The following ZNF407 variants were observed in gnomAD, a reference collection of about 807,000 sequenced individuals.
ZNF407 encodes zinc finger protein 407.
In ZNF407, 17 loss-of-function variants were observed where a neutral mutation model predicts 131.2. The ratio of observed to expected loss-of-function variants is 0.13; its 90% CI spans 0.09 to 0.19. The LOEUF is 0.19. ZNF407 is among the 10% of genes least tolerant of loss of function. ZNF407 has a pLI of 1.00. For synonymous variants in ZNF407, 1,156 were observed against 1,062.0 expected (o/e 1.09, Z -1.72); for missense variants, 2,681 against 2,830.6 (o/e 0.95, Z 1.20).
rs118108297 is a variant in ZNF407 at position 74,749,405 on chromosome 18, T to C, written c.4803-32023T>C. ...GGCCTGTATCAATTCCAGTAAGGTATTGGAATTTTAGAAATTAATGGTGCC... is the reference window on the plus strand; with the variant it reads ...GGCCTGTATCAATTCCAGTAAGGTACTGGAATTTTAGAAATTAATGGTGCC... On this transcript the variant is annotated intron_variant, in intron 3 of 8. Coordinates refer to ENST00000299687, the MANE Select transcript of ZNF407 (RefSeq NM_017757.3). Among the ~76,000 whole-genome samples the C allele has an allele frequency of 4.1e-3, 622 of 152,304 alleles. 13 individuals are homozygous for C. In the East Asian group the frequency reaches 0.058, roughly 14 times the overall value.
chr18:74,635,782 T>C lies in ZNF407; in HGVS notation c.4687+76T>C. On this transcript the variant is annotated intron_variant, in intron 2 of 8. Transcript: ENST00000299687. The surrounding 1 kb of genome is among the most constrained non-coding windows in gnomAD (Gnocchi z 4.7). ...TCCCATCCAGATATGCAGCCCTACC[T>C]GTGGCTGCTCATTGGCTTTCCACCC... 4 of 1,509,346 alleles carry C rather than the reference T, an allele frequency of 2.7e-6. No homozygotes were observed. Among genetic ancestry groups the C allele is most frequent in the Non-Finnish European group, 3.5e-6 (4 of 1,130,704 alleles). The allele number at this position is 1,509,346 out of a possible 1,614,324, so 93.5% of individuals were successfully genotyped here.
intron 4 of ZNF407, among the ~76,000 whole-genome samples, chr18:74,794,692 A>T (rs924951240): frequency 2.6e-5 from 4 of 152,142 alleles, no homozygotes; most frequent in Admixed American, 6.5e-5. Context: ...AATGGTCTGT[A>T]TCTCCATATT....
intron 4 of ZNF407, among the ~76,000 whole-genome samples, chr18:74,850,433 C>G (rs138803327): frequency 1.7e-3 from 265 of 152,242 alleles, no homozygotes; most frequent in Middle Eastern, 0.014. Context: ...TCTGTCTGTT[C>G]TATCCACGCA....
intron 8 of ZNF407, among the ~76,000 whole-genome samples, chr18:75,001,111 C>T (rs192350466): frequency 1.1e-4 from 17 of 152,130 alleles, no homozygotes; most frequent in Non-Finnish European, 1.3e-4. Context: ...CTTTCAGGGC[C>T]GGAGCCCAGC....
intron 8 of ZNF407, among the ~76,000 whole-genome samples, chr18:74,976,832 G>T (rs1205070911): frequency 2.0e-5 from 3 of 152,174 alleles, no homozygotes; most frequent in African/African-American, 7.2e-5. Context: ...GTGGGTTTCC[G>T]ATATGGAACA....
At chr18:74,605,216 C>A (rs908843828) in intron 1 of ZNF407, among the ~76,000 whole-genome samples, 3 of 152,132 alleles carry the variant, frequency 2.0e-5, no homozygotes, top group Non-Finnish European at 4.4e-5. Flanking sequence ...GCACCTCCTT[C>A]ACCCCCAGCT....
intron 3 of ZNF407, among the ~76,000 whole-genome samples, chr18:74,695,414 C>T (rs188950175): frequency 2.0e-5 from 3 of 152,178 alleles, no homozygotes; most frequent in East Asian, 1.9e-4. Context: ...GTGACAATAG[C>T]GTTCTGGTTA....
intron 6 of ZNF407, among the ~76,000 whole-genome samples, chr18:74,885,909 G>T (rs1335140941): frequency 6.6e-6 from 1 of 152,118 alleles, no homozygotes; most frequent in Non-Finnish European, 1.5e-5. Flanking sequence ...GATTATCAAT[G>T]ATTTCTTTGA....
intron 4 of ZNF407, among the ~76,000 whole-genome samples, chr18:74,835,733 G>A (rs1970549678): frequency 6.6e-6 from 1 of 151,762 alleles, no homozygotes; most frequent in African/African-American, 2.4e-5. Context: ...AGAGAAATCT[G>A]TAAATTTGCT....
At chr18:74,962,101 T>C (rs1441747452) in intron 8 of ZNF407, among the ~76,000 whole-genome samples, 1 of 152,244 alleles carries the variant, frequency 6.6e-6, no homozygotes, top group Non-Finnish European at 1.5e-5. Context: ...GCTTGTTTTT[T>C]ATTTTCTTTA....
intron 8 of ZNF407, among the ~76,000 whole-genome samples, chr18:75,036,098 G>A (rs1310879679): frequency 6.6e-6 from 1 of 152,194 alleles, no homozygotes; most frequent in African/African-American, 2.4e-5. Context: ...AGCACCTGAT[G>A]TAATCATTGT....
At chr18:74,783,132 C>G (rs1453145120) in intron 4 of ZNF407, among the ~76,000 whole-genome samples, 2 of 152,154 alleles carry the variant, frequency 1.3e-5, no homozygotes, top group African/African-American at 4.8e-5. Flanking sequence ...CATGCATTAT[C>G]TCAGTCCTTC....
At chr18:74,676,911 G>C (rs932221699) in intron 3 of ZNF407, among the ~76,000 whole-genome samples, 1 of 152,122 alleles carries the variant, frequency 6.6e-6, no homozygotes, top group Admixed American at 6.5e-5. Flanking sequence ...TGGCACTCGG[G>C]AGCAGAGGCT....
At chr18:75,009,717 G>A (rs890002267) in intron 8 of ZNF407, among the ~76,000 whole-genome samples, 2 of 152,062 alleles carry the variant, frequency 1.3e-5, no homozygotes, top group Non-Finnish European at 2.9e-5. Flanking sequence ...TCATAGTAAA[G>A]TAAACCCGGA....
Position 74,844,104 on chromosome 18 carries a change from C to G in ZNF407, c.4878-33093C>G, listed in dbSNP as rs372836875. Among the ~76,000 whole-genome samples, 3 of 152,170 alleles carry G rather than the reference C, an allele frequency of 2.0e-5. No individual in the cohort carries two copies. In the South Asian group the frequency reaches 6.2e-4, roughly 32 times the overall value. ...CGAAACATTGTCAGCCGGCCTATGT[C>G]CACCCCTCCAACCTTGACTCTACTG... On this transcript the variant is annotated intron_variant, in intron 4 of 8. Coordinates refer to ENST00000299687, the MANE Select transcript of ZNF407 (RefSeq NM_017757.3).
At chr18:74,999,114 C>T (rs1156935380) in intron 8 of ZNF407, among the ~76,000 whole-genome samples, 2 of 51,584 alleles carry the variant, frequency 3.9e-5, no homozygotes, top group African/African-American at 7.8e-5. Context: ...AACCAAACAC[C>T]GCATATTCTC....
At chr18:74,886,415 C>T (rs1971310065) in intron 6 of ZNF407, among the ~76,000 whole-genome samples, 1 of 6,250 alleles carries the variant, frequency 1.6e-4, no homozygotes, top group South Asian at 0.038. Context: ...AGGATTTACC[C>T]AAGGGATGTT....
chr18:74,837,892 G>A (rs985727178), intron 4 of ZNF407, among the ~76,000 whole-genome samples: 3 of 152,126 alleles, frequency 2.0e-5, no homozygotes, highest in East Asian at 1.9e-4. Context: ...GAGCTCAAGC[G>A]ACCTGCCCAT....
chr18:74,740,000 A>G (rs1199237822), intron 3 of ZNF407, among the ~76,000 whole-genome samples: 3 of 152,222 alleles, frequency 2.0e-5, no homozygotes, highest in South Asian at 4.1e-4. Flanking sequence ...AATATGCTGC[A>G]TTAATTTCCT....
Sources: allele counts gnomAD v4.1 joint callset (sites outside exome capture counted in the v4.1 genomes callset), GRCh38; gene constraint gnomAD v4.1.1; non-coding constraint Gnocchi (gnomAD v3.1); transcripts MANE v1.5; gene names NCBI Gene and HGNC (gene_info 2026-07-23, HGNC 2026-07-21).